The following CNTN5 variants were observed in gnomAD, a reference collection of about 807,000 sequenced individuals.
CNTN5 encodes contactin 5, also known as contactin-5.
In CNTN5, 77 loss-of-function variants were observed where a neutral mutation model predicts 129.1. That is an observed-to-expected ratio of 0.60 (90% confidence interval 0.50 to 0.72). The LOEUF (loss-of-function observed/expected upper bound fraction) is 0.72. Among genes scored for constraint, CNTN5 ranks in the 30% least tolerant of loss-of-function variants. The probability of loss-of-function intolerance (pLI) is 0.00; values close to 1 mark genes in which losing one functional copy is unlikely to be tolerated. For missense variants in CNTN5, 1,478 were observed against 1,328.8 expected (o/e 1.11, Z -1.75); for synonymous variants, 509 against 465.6 (o/e 1.09, Z -1.20).
chr11:99,771,801 C>A (rs1006530229), intron 3 of CNTN5, among the ~76,000 whole-genome samples: 1 of 151,798 alleles, frequency 6.6e-6, no homozygotes, highest in Non-Finnish European at 1.5e-5. Context: ...AGTGTTGTCA[C>A]CATAAAATGA....
At chr11:99,420,683 T>G (rs1942848638) in intron 2 of CNTN5, among the ~76,000 whole-genome samples, 2 of 152,192 alleles carry the variant, frequency 1.3e-5, no homozygotes, top group African/African-American at 4.8e-5. Context: ...GTTGAATGCC[T>G]GATAAATTGA....
chr11:99,210,549 G>C (rs1859716122), intron 1 of CNTN5, among the ~76,000 whole-genome samples: 1 of 151,924 alleles, frequency 6.6e-6, no homozygotes, highest in Admixed American at 6.6e-5. Context: ...TTGTTTGTAT[G>C]TTTAGGTATC....
intron 3 of CNTN5, among the ~76,000 whole-genome samples, chr11:99,639,935 T>A (rs1236693802): frequency 6.6e-6 from 1 of 152,084 alleles, no homozygotes; most frequent in African/African-American, 2.4e-5. Flanking sequence ...CTCTCTCAAG[T>A]TCAAAGTTCC....
At chr11:99,073,584 G>GT (rs1234500215) in intron 1 of CNTN5, among the ~76,000 whole-genome samples, 1 of 151,548 alleles carries the variant, frequency 6.6e-6, no homozygotes, top group Non-Finnish European at 1.5e-5. Flanking sequence ...GGTATATGAT[G>GT]TTCCCCTTCC....
intron 2 of CNTN5, among the ~76,000 whole-genome samples, chr11:99,457,257 C>T (rs1192611241): frequency 6.6e-6 from 1 of 151,806 alleles, no homozygotes; most frequent in Non-Finnish European, 1.5e-5. Flanking sequence ...ATGTAACCTC[C>T]CTCATAATGA....
intron 6 of CNTN5, among the ~76,000 whole-genome samples, chr11:99,882,239 C>G (rs555280149): frequency 1.4e-3 from 210 of 152,138 alleles, no homozygotes; most frequent in Non-Finnish European, 2.5e-3. Flanking sequence ...AGTAAGTGAT[C>G]TAGATACTCT....
chr11:99,174,689 C>A (rs1350757269), intron 1 of CNTN5, among the ~76,000 whole-genome samples: 1 of 152,028 alleles, frequency 6.6e-6, no homozygotes, highest in African/African-American at 2.4e-5. Context: ...TGTCACTATG[C>A]AAATGTTAGG....
At chr11:99,596,500 C>A (rs1406792003) in intron 3 of CNTN5, among the ~76,000 whole-genome samples, 2 of 152,128 alleles carry the variant, frequency 1.3e-5, no homozygotes, top group African/African-American at 2.4e-5. Context: ...CTCATAAACA[C>A]CCACTAATCA....
intron 2 of CNTN5, among the ~76,000 whole-genome samples, chr11:99,412,535 T>A (rs1054295094): frequency 6.6e-6 from 1 of 152,190 alleles, no homozygotes; most frequent in Non-Finnish European, 1.5e-5. Flanking sequence ...TCATTGGACA[T>A]GTTATATTTA....
chr11:100,042,579 G>A (rs1456700626), intron 9 of CNTN5, among the ~76,000 whole-genome samples: 3 of 152,098 alleles, frequency 2.0e-5, no homozygotes, highest in Non-Finnish European at 4.4e-5. Flanking sequence ...TATTCCTTCT[G>A]CCTTGACAGA....
At chr11:100,076,506 TAC>T (rs1214039995) in intron 13 of CNTN5, among the ~76,000 whole-genome samples, 1 of 152,066 alleles carries the variant, frequency 6.6e-6, no homozygotes, top group Non-Finnish European at 1.5e-5. Context: ...TGTTGAAAAA[TAC>T]AGTTTGTGAA....
At chr11:99,399,409 T>G in intron 2 of CNTN5, among the ~76,000 whole-genome samples, 1 of 151,752 alleles carries the variant, frequency 6.6e-6, no homozygotes. Context: ...ATAAAGAAAT[T>G]TATATTTAAT....
intron 3 of CNTN5, among the ~76,000 whole-genome samples, chr11:99,787,295 T>C (rs575656755): frequency 2.5e-4 from 38 of 151,788 alleles, no homozygotes; most frequent in African/African-American, 9.2e-4. Context: ...CCAAAAACAG[T>C]ATTTTTAAAT....
chr11:99,498,096 C>CA (rs1298469538), intron 2 of CNTN5, among the ~76,000 whole-genome samples: 1 of 152,124 alleles, frequency 6.6e-6, no homozygotes, highest in Non-Finnish European at 1.5e-5. Flanking sequence ...AATGGGTCCG[C>CA]ATAGAGCTAC....
intron 9 of CNTN5, among the ~76,000 whole-genome samples, chr11:100,006,513 A>T (rs4754658): frequency 0.73 from 110,578 of 152,006 alleles, 40,828 homozygotes; most frequent in African/African-American, 0.85. Flanking sequence ...GACTACACTA[A>T]CTCAAGAAAC....
At chr11:99,895,699 T>C (rs762868940) in intron 6 of CNTN5, among the ~76,000 whole-genome samples, 3 of 152,080 alleles carry the variant, frequency 2.0e-5, no homozygotes, top group Non-Finnish European at 4.4e-5. Flanking sequence ...ACTTCTGCCA[T>C]GGACTTTTGT....
At chr11:99,559,486 C>T (rs1028502819) in intron 3 of CNTN5, among the ~76,000 whole-genome samples, 13 of 152,196 alleles carry the variant, frequency 8.5e-5, no homozygotes, top group African/African-American at 3.1e-4. Flanking sequence ...ACAATTAAAA[C>T]AACAATGATA....
intron 2 of CNTN5, among the ~76,000 whole-genome samples, chr11:99,380,768 C>CAAAAAAAAAAAAAAAAAAAAAAAAAAA (rs769229566): frequency 9.8e-6 from 1 of 102,464 alleles, no homozygotes; most frequent in Non-Finnish European, 1.8e-5. Flanking sequence ...AACTCTATCT[C>CAAAAAAAAAAAAAAAAAAAAAAAAAAA]AAAAAAAAAA....
chr11:100,350,650 G>A, intron 23 of CNTN5, 52 bp from the exon 24 acceptor site: 1 of 1,377,284 alleles, frequency 7.3e-7, no homozygotes, highest in Non-Finnish European at 1.0e-6. Context: ...GGCAGTCAAT[G>A]TGCATTTGTA....
Sources: allele counts gnomAD v4.1 joint callset (sites outside exome capture counted in the v4.1 genomes callset), GRCh38; gene constraint gnomAD v4.1.1; transcripts MANE v1.5; gene names NCBI Gene and HGNC (gene_info 2026-07-23, HGNC 2026-07-21).